Variants in HLCS observed in about 807,000 individuals in gnomAD.
The protein encoded by HLCS is holocarboxylase synthetase, also known as biotin--protein ligase.
In HLCS, 53 loss-of-function variants were observed where a neutral mutation model predicts 75.0. The observed-to-expected ratio is 0.71, with a 90% CI of 0.57 to 0.89. The LOEUF is 0.89. Among genes scored for constraint, HLCS ranks in the 40% least tolerant of loss-of-function variants. The pLI is 0.00. For missense variants in HLCS, 966 were observed against 1,074.0 expected (o/e 0.90, Z 1.41); for synonymous variants, 431 against 428.6 (o/e 1.01, Z -0.07).
chr21:36,962,510 C>G (rs1054063104), intron 1 of HLCS, among the ~76,000 whole-genome samples: 9 of 151,784 alleles, frequency 5.9e-5, no homozygotes, highest in Non-Finnish European at 1.3e-4. Flanking sequence ...GGAGGCTGGC[C>G]GGCACAGTGG....
chr21:36,908,107 G>A (rs974793190), intron 5 of HLCS, among the ~76,000 whole-genome samples: 11 of 151,412 alleles, frequency 7.3e-5, no homozygotes, highest in African/African-American at 1.9e-4. Flanking sequence ...CATTCTGGCC[G>A]GCCACAGTGG....
rs563535370 is a variant in HLCS at position 36,801,528 on chromosome 21, G to C, written c.1893-34243C>G. On this transcript the variant is annotated intron_variant, in intron 6 of 10. Transcript: ENST00000674895. ...TCAAGGCCACATCTGCCATCTCATTGCAAGGCACATGCCCATCCTGTCTAC... is the reference window on the plus strand; with the variant it reads ...TCAAGGCCACATCTGCCATCTCATTCCAAGGCACATGCCCATCCTGTCTAC... Among the ~76,000 whole-genome samples the C allele has an allele frequency of 5.1e-4, 78 of 152,320 alleles. 1 individual carries two copies. Among genetic ancestry groups the C allele is most frequent in the African/African-American group, 1.8e-3 (76 of 41,582 alleles).
intron 6 of HLCS, among the ~76,000 whole-genome samples, chr21:36,884,959 T>C (rs946472963): frequency 6.6e-6 from 1 of 152,192 alleles, no homozygotes; most frequent in South Asian, 2.1e-4. Context: ...TTGGCTCTTT[T>C]GAAATGACTG....
intron 6 of HLCS, among the ~76,000 whole-genome samples, chr21:36,869,766 G>A (rs1291182920): frequency 2.0e-5 from 3 of 152,074 alleles, no homozygotes; most frequent in Non-Finnish European, 4.4e-5. Context: ...GTGTATTGAT[G>A]TCCTTAATCT....
chr21:36,937,629 C>T (rs1460785762), intron 3 of HLCS, among the ~76,000 whole-genome samples: 1 of 152,154 alleles, frequency 6.6e-6, no homozygotes, highest in Non-Finnish European at 1.5e-5. Context: ...ATCTTTTATA[C>T]CTATTGGAGA....
In HLCS at chr21:36,826,003, T is replaced by C. The variant is rs918283522; in HGVS notation, c.1893-58718A>G. On this transcript the variant is annotated intron_variant, in intron 6 of 10. Transcript: ENST00000674895. ...AGGCAGAGGGAGTTTCTTCACTGGG[T>C]ACAAGGAATTAGAGTAAGAAGTTAT... 3.3e-5 allele frequency among the ~76,000 whole-genome samples: 5 copies of C among 151,412 alleles called. 1 individual carries two copies. Among genetic ancestry groups the C allele is most frequent in the Admixed American group, 3.3e-4 (5 of 15,200 alleles).
intron 6 of HLCS, among the ~76,000 whole-genome samples, chr21:36,815,027 C>CTTT (rs1195265718): frequency 2.3e-5 from 3 of 129,176 alleles, no homozygotes; most frequent in Admixed American, 1.6e-4. Flanking sequence ...TGAAGCTTTG[C>CTTT]TTTTTTTTTT....
At chr21:36,785,076 C>T (rs2060646548) in intron 6 of HLCS, among the ~76,000 whole-genome samples, 1 of 152,090 alleles carries the variant, frequency 6.6e-6, no homozygotes, top group Non-Finnish European at 1.5e-5. Context: ...GGGGTAATGA[C>T]AAGGAAGAAT....
At chr21:36,937,794 C>T (rs148111311) in intron 3 of HLCS, among the ~76,000 whole-genome samples, 71 of 152,320 alleles carry the variant, frequency 4.7e-4, no homozygotes, top group African/African-American at 1.4e-3. Flanking sequence ...TACCCCAGCA[C>T]GCCCCAGTGA....
chr21:36,979,773 G>A (rs1485547218), intron 1 of HLCS, among the ~76,000 whole-genome samples: 1 of 151,816 alleles, frequency 6.6e-6, no homozygotes, highest in Non-Finnish European at 1.5e-5. Context: ...AATTAGCCAG[G>A]CGGCCAGGTG....
In HLCS at chr21:36,913,597, C is replaced by T. The variant is rs538398789; in HGVS notation, c.1621-16466G>A. On this transcript the variant is annotated intron_variant, in intron 5 of 10. Transcript: ENST00000674895. ...CCAACATCGTGAAACTCCGTCTCTA[C>T]TAAAAATACAAAAATTAGCAGGGCA... 2.0e-5 allele frequency among the ~76,000 whole-genome samples: 3 copies of T among 152,158 alleles called. No homozygotes were observed. The East Asian group carries it at 5.8e-4, about 30-fold the overall frequency.
chr21:36,981,604 T>G (rs2069123729), intron 1 of HLCS, among the ~76,000 whole-genome samples: 1 of 152,060 alleles, frequency 6.6e-6, no homozygotes, highest in Non-Finnish European at 1.5e-5. Context: ...TTCACCATGT[T>G]GGCCAGGCTA....
At chr21:36,784,486 T>A (rs528292270) in intron 6 of HLCS, among the ~76,000 whole-genome samples, 14 of 152,142 alleles carry the variant, frequency 9.2e-5, no homozygotes, top group Non-Finnish European at 1.8e-4. Flanking sequence ...TGGCTAATTT[T>A]TGTATTTTTA....
chr21:36,966,513 G>C lies in HLCS; in HGVS notation c.126C>G (p.Ala42=), dbSNP rs1344336859. The C allele has an allele frequency of 1.0e-6, 1 of 986,088 alleles. No individual in the cohort carries two copies. Among genetic ancestry groups the C allele is most frequent in the Non-Finnish European group, 1.2e-6 (1 of 831,546 alleles). 61.1% of individuals were successfully genotyped at this position (986,088 alleles called of 1,614,324 possible). The change falls in exon 1 of 11, where the codon GCC becomes GCG. Residue 42 remains alanine (A), a synonymous_variant. Transcript: ENST00000674895. ...SRCSFTFCGA[A]AQPPGARVCL... The stretch of plus-strand genomic sequence containing the variant: ...ACACGCGGGCGCCCGGGGGCTGCGC[G>C]GCCGCGCCGCAGAAGGTGAAGGAAC...
intron 5 of HLCS, among the ~76,000 whole-genome samples, chr21:36,907,119 A>G (rs185793513): frequency 8.9e-4 from 136 of 152,332 alleles, no homozygotes; most frequent in African/African-American, 3.2e-3. Flanking sequence ...ACAAACATTC[A>G]TATGCAAGAA....
intron 6 of HLCS, among the ~76,000 whole-genome samples, chr21:36,874,350 C>CCAGGAG (rs2063880381): frequency 6.6e-6 from 1 of 150,402 alleles, no homozygotes; most frequent in South Asian, 2.1e-4. Context: ...TGCAGTGAGC[C>CCAGGAG]GAGATCGCGC....
intron 6 of HLCS, among the ~76,000 whole-genome samples, chr21:36,794,504 C>T (rs2060968005): frequency 6.6e-6 from 1 of 152,030 alleles, no homozygotes; most frequent in South Asian, 2.1e-4. Flanking sequence ...AAAAGGTGAC[C>T]GACGTGGCTG....
intron 8 of HLCS, among the ~76,000 whole-genome samples, chr21:36,764,493 C>T (rs1207442106): frequency 6.6e-6 from 1 of 152,126 alleles, no homozygotes; most frequent in Non-Finnish European, 1.5e-5. Context: ...TGCTTGAGCT[C>T]AGGACTTCAA....
chr21:36,877,325 A>G (rs748460093), intron 6 of HLCS, among the ~76,000 whole-genome samples: 48 of 151,638 alleles, frequency 3.2e-4, no homozygotes, highest in Non-Finnish European at 6.5e-4. Context: ...GTGTGTTTCT[A>G]GTCCTCTTTT....
Sources: gnomAD v4.1 joint callset for allele counts (sites outside exome capture counted in the v4.1 genomes callset) on GRCh38, gnomAD v4.1.1 for gene constraint, MANE v1.5 for transcripts, NCBI Gene and HGNC (gene_info 2026-07-23, HGNC 2026-07-21) for gene names.